EDA: variants seen among roughly 807,000 people sequenced by gnomAD.
The protein encoded by EDA is ectodysplasin A, also known as ectodysplasin-A.
A neutral mutation model predicts 23.6 loss-of-function variants in EDA; 2 were observed. The observed-to-expected ratio is 0.08, with a 90% CI of 0.03 to 0.27. The LOEUF is 0.27. Ranked by LOEUF, EDA falls within the 10% of genes least tolerant of loss-of-function variation. The probability of loss-of-function intolerance (pLI) is 1.00; values close to 1 mark genes in which losing one functional copy is unlikely to be tolerated. For synonymous variants in EDA, 131 were observed against 132.0 expected (o/e 0.99, Z 0.05); for missense variants, 229 against 324.2 (o/e 0.71, Z 2.26).
rs551038898 is a variant in EDA at position 69,767,397 on chromosome X, T to C, written c.396+150693T>C. On this transcript the variant is annotated intron_variant, in intron 1 of 7. Coordinates refer to ENST00000374552, the MANE Select transcript of EDA (RefSeq NM_001399.5). Reference sequence around the variant, plus strand: ...CTCACCTCCTCCTATCCTAGGCAACTGTTGATTTGCTTTTTTTTTCAATAC... The same window carrying C: ...CTCACCTCCTCCTATCCTAGGCAACCGTTGATTTGCTTTTTTTTTCAATAC... 1.4e-4 allele frequency among the ~76,000 whole-genome samples: 15 copies of C among 110,757 alleles called. No individual in the cohort carries two copies. In the South Asian group the frequency reaches 5.8e-3, roughly 43 times the overall value.
intron 1 of EDA, among the ~76,000 whole-genome samples, chrX:69,677,686 GT>G (rs1934154746): frequency 9.0e-6 from 1 of 111,540 alleles, no homozygotes; most frequent in Non-Finnish European, 1.9e-5. Flanking sequence ...TTTTTTTCTT[GT>G]AAATTTGTTT....
At chrX:70,029,417 G>T in intron 4 of EDA, 87 bp from the exon 5 acceptor site, 1 of 1,070,080 alleles carries the variant, frequency 9.3e-7, no homozygotes, top group Non-Finnish European at 1.3e-6. Context: ...GCTGCAGGGA[G>T]CATGGCTCAC....
intron 1 of EDA, among the ~76,000 whole-genome samples, chrX:69,935,593 T>C: frequency 8.9e-6 from 1 of 111,828 alleles, no homozygotes; most frequent in East Asian, 2.8e-4. Context: ...TGTAATATCA[T>C]GAGTAAAGAA....
chrX:69,910,370 A>AGTGT (rs1338341610), intron 1 of EDA, among the ~76,000 whole-genome samples: 7 of 46,136 alleles, frequency 1.5e-4, no homozygotes, highest in African/African-American at 4.6e-4. Flanking sequence ...AGAGAGAGAG[A>AGTGT]GAGAGTGTGT....
At chrX:70,000,117 C>G (rs1286345416) in intron 2 of EDA, among the ~76,000 whole-genome samples, 1 of 112,115 alleles carries the variant, frequency 8.9e-6, no homozygotes, top group Non-Finnish European at 1.9e-5. Flanking sequence ...TAATAAACAG[C>G]ATAGTACTTA....
At chrX:69,710,573 A>C (rs1387399098) in intron 1 of EDA, among the ~76,000 whole-genome samples, 2 of 111,732 alleles carry the variant, frequency 1.8e-5, no homozygotes, top group Non-Finnish European at 3.8e-5. Context: ...TCCATAAATT[A>C]CCTTAGGCAG....
intron 1 of EDA, among the ~76,000 whole-genome samples, chrX:69,753,126 A>G (rs2013958531): frequency 9.0e-6 from 1 of 111,010 alleles, no homozygotes; most frequent in African/African-American, 3.3e-5. Flanking sequence ...TAGCTTTTGA[A>G]TGTGTTTGCT....
intron 1 of EDA, among the ~76,000 whole-genome samples, chrX:69,629,981 G>A (rs1932512615): frequency 9.0e-6 from 1 of 111,489 alleles, no homozygotes; most frequent in Admixed American, 9.5e-5. Context: ...GTATATCAAA[G>A]TTCCCTAACC....
At chrX:69,697,452 A>G (rs1358973934) in intron 1 of EDA, among the ~76,000 whole-genome samples, 1 of 111,454 alleles carries the variant, frequency 9.0e-6, no homozygotes, top group African/African-American at 3.3e-5. Flanking sequence ...AGAAAAAGGG[A>G]AAAGCGATGA....
chrX:69,692,387 G>T (rs1367234577), intron 1 of EDA, among the ~76,000 whole-genome samples: 2 of 111,419 alleles, frequency 1.8e-5, no homozygotes, highest in East Asian at 5.7e-4. Flanking sequence ...AGAGTTCCCA[G>T]GGGTAACTTT....
At chrX:69,955,113 G>T (rs1367580359) in intron 1 of EDA, among the ~76,000 whole-genome samples, 5 of 111,885 alleles carry the variant, frequency 4.5e-5, no homozygotes, top group African/African-American at 1.6e-4. Flanking sequence ...AGATTTTATT[G>T]TAAACAGCAG....
intron 1 of EDA, among the ~76,000 whole-genome samples, chrX:69,728,602 G>A (rs2012900530): frequency 8.9e-6 from 1 of 112,090 alleles, no homozygotes; most frequent in Admixed American, 9.5e-5. Flanking sequence ...CAGGAAGATG[G>A]GTAATAATGA....
chrX:69,815,745 G>A (rs2016066317), intron 1 of EDA, among the ~76,000 whole-genome samples: 2 of 112,500 alleles, frequency 1.8e-5, no homozygotes, highest in South Asian at 7.3e-4. Flanking sequence ...AGTTGACTCA[G>A]CCGCTCCAGC....
rs2018690235 is a variant in EDA at position 69,937,457 on chromosome X, C to T, written c.397-19570C>T. 3 of 793,168 alleles carry T rather than the reference C, an allele frequency of 3.8e-6. No individual in the cohort carries two copies. In the East Asian group the frequency reaches 9.4e-5, roughly 25 times the overall value. 65.4% of individuals were successfully genotyped at this position (793,168 alleles called of 1,213,427 possible). On this transcript the variant is annotated intron_variant, in intron 1 of 7. Transcript: ENST00000374552. ...TCACATCATAAATGACAGGTAAAAACAATCGAAGGATCTCAAAGAAGTCAA... is the reference window on the plus strand; with the variant it reads ...TCACATCATAAATGACAGGTAAAAATAATCGAAGGATCTCAAAGAAGTCAA...
intron 1 of EDA, among the ~76,000 whole-genome samples, chrX:69,789,811 A>G (rs2015346389): frequency 8.9e-6 from 1 of 112,217 alleles, no homozygotes; most frequent in Non-Finnish European, 1.9e-5. Context: ...TAGATAGGTG[A>G]TCTACTAATA....
chrX:69,635,324 G>T (rs754798964), intron 1 of EDA, among the ~76,000 whole-genome samples: 4 of 111,425 alleles, frequency 3.6e-5, no homozygotes, highest in Non-Finnish European at 7.5e-5. Flanking sequence ...CCTCTTTCCT[G>T]TATCCCATAT....
intron 1 of EDA, among the ~76,000 whole-genome samples, chrX:69,907,119 C>T (rs973201124): frequency 8.9e-6 from 1 of 111,847 alleles, no homozygotes; most frequent in Admixed American, 9.5e-5. Flanking sequence ...GATGGTTCCA[C>T]ATCTATTATA....
intron 1 of EDA, among the ~76,000 whole-genome samples, chrX:69,797,431 A>G (rs1483648148): frequency 8.9e-6 from 1 of 111,914 alleles, no homozygotes; most frequent in Non-Finnish European, 1.9e-5. Flanking sequence ...CAAACCAGAA[A>G]GAATGGGATG....
chrX:69,828,174 A>G (rs1382707659), intron 1 of EDA, among the ~76,000 whole-genome samples: 1 of 112,002 alleles, frequency 8.9e-6, no homozygotes, highest in Non-Finnish European at 1.9e-5. Flanking sequence ...CCCTGCCCCC[A>G]GAGGTGGAGC....
Sources: gnomAD v4.1 joint callset for allele counts (sites outside exome capture counted in the v4.1 genomes callset) on GRCh38, gnomAD v4.1.1 for gene constraint, MANE v1.5 for transcripts, NCBI Gene and HGNC (gene_info 2026-07-23, HGNC 2026-07-21) for gene names.